ARHGEF38: variants seen among roughly 807,000 people sequenced by gnomAD.
The protein encoded by ARHGEF38 is Rho guanine nucleotide exchange factor 38, also known as Rho guanine nucleotide exchange factor (GEF) 38.
ARHGEF38 carries 79 observed loss-of-function variants against 79.9 expected under a neutral mutation model. That is an observed-to-expected ratio of 0.99 (90% CI 0.82 to 1.19). The LOEUF is 1.19. ARHGEF38 is among the 50% of genes most tolerant of loss of function. ARHGEF38 has a pLI of 0.00. For synonymous variants in ARHGEF38, 366 were observed against 328.3 expected (o/e 1.11, Z -1.24); for missense variants, 962 against 907.2 (o/e 1.06, Z -0.78).
chr4:105,648,725 T>A, intron 7 of ARHGEF38, 43 bp downstream of exon 7: 1 of 1,470,148 alleles, frequency 6.8e-7, no homozygotes, highest in Non-Finnish European at 8.9e-7. Flanking sequence ...CCAGGGAACA[T>A]GAATGCAGAT....
rs534856543 is a variant in ARHGEF38 at position 105,645,006 on chromosome 4, G to A, written c.675-182G>A. 2.6e-5 allele frequency among the ~76,000 whole-genome samples: 4 copies of A among 152,216 alleles called. No individual in the cohort carries two copies. In the South Asian group the frequency reaches 6.2e-4, roughly 24 times the overall value. ...GTTTCTTTTAGGTTTTTGTTTCATA[G>A]TAGGGTCTTTCAGATTTGCTTCTTT... On this transcript the variant is annotated intron_variant, in intron 5 of 13. Transcript: ENST00000420470.
chr4:105,614,246 G>T (rs892182030), intron 3 of ARHGEF38, among the ~76,000 whole-genome samples: 14 of 151,978 alleles, frequency 9.2e-5, no homozygotes, highest in African/African-American at 3.4e-4. Flanking sequence ...TAAAATTATC[G>T]TTTCTCTATT....
intron 8 of ARHGEF38, among the ~76,000 whole-genome samples, chr4:105,655,358 G>A (rs1234952782): frequency 1.3e-5 from 2 of 152,090 alleles, no homozygotes; most frequent in Non-Finnish European, 2.9e-5. Context: ...AATTTAAGAT[G>A]GACTGTTTAA....
chr4:105,596,073 T>A (rs1462212302), intron 2 of ARHGEF38, among the ~76,000 whole-genome samples: 3 of 152,188 alleles, frequency 2.0e-5, no homozygotes, highest in African/African-American at 7.2e-5. Flanking sequence ...TCTCTCTCAA[T>A]TCAGAGTCCT....
At chr4:105,659,573 A>G (rs774203642) in intron 10 of ARHGEF38, among the ~76,000 whole-genome samples, 2 of 152,216 alleles carry the variant, frequency 1.3e-5, no homozygotes, top group Non-Finnish European at 2.9e-5. Context: ...GTTCAGGTTT[A>G]CTGTGACTTA....
chr4:105,654,758 T>C (rs1267946291), intron 8 of ARHGEF38, among the ~76,000 whole-genome samples: 1 of 151,698 alleles, frequency 6.6e-6, no homozygotes, highest in Non-Finnish European at 1.5e-5. Context: ...CAGTCAGAGG[T>C]TTTTTCTAAT....
Position 105,678,153 on chromosome 4 carries a change from AT to A in ARHGEF38, c.*217del, listed in dbSNP as rs141315417. ...TGAAAGAAATACTAAGCCAACAGAA[AT>A]AGCAAAGCAAATGACCCAAGCTTCA... On this transcript the variant is annotated 3_prime_UTR_variant, in exon 14 of 14. Transcript: ENST00000420470. 598 of 384,020 alleles carry A rather than the reference AT, an allele frequency of 1.6e-3. 10 individuals carry two copies. The East Asian group carries it at 0.022, about 14-fold the overall frequency. 23.8% of individuals were successfully genotyped at this position (384,020 alleles called of 1,614,324 possible). A position where few individuals can be genotyped will look rare whatever the true frequency, so the allele number is the denominator to read the frequency against.
intron 5 of ARHGEF38, among the ~76,000 whole-genome samples, chr4:105,640,165 G>A (rs750522860): frequency 3.0e-4 from 45 of 151,678 alleles, no homozygotes; most frequent in Admixed American, 1.5e-3. Context: ...ACACACAAAC[G>A]CCTTTTCCAT....
intron 3 of ARHGEF38, among the ~76,000 whole-genome samples, chr4:105,623,696 A>G (rs543637121): frequency 6.6e-6 from 1 of 152,354 alleles, no homozygotes; most frequent in South Asian, 2.1e-4. Context: ...GAACTGGACT[A>G]ATATTTCAAG....
At chr4:105,671,361 C>A (rs1482065197) in intron 13 of ARHGEF38, among the ~76,000 whole-genome samples, 1 of 152,134 alleles carries the variant, frequency 6.6e-6, no homozygotes, top group African/African-American at 2.4e-5. Flanking sequence ...GAAGAGGATG[C>A]ACCTGTTGGA....
At chr4:105,663,956 G>C (rs1730655392) in intron 10 of ARHGEF38, among the ~76,000 whole-genome samples, 1 of 144,726 alleles carries the variant, frequency 6.9e-6, no homozygotes. Context: ...GGTAACAAGA[G>C]TGAAACTCCG....
At chr4:105,671,585 G>A (rs1730959959) in intron 13 of ARHGEF38, among the ~76,000 whole-genome samples, 1 of 152,108 alleles carries the variant, frequency 6.6e-6, no homozygotes, top group South Asian at 2.1e-4. Flanking sequence ...GAAATTGTGG[G>A]GAGAAGAAAG....
chr4:105,662,325 A>AT (rs1337410850), intron 10 of ARHGEF38, among the ~76,000 whole-genome samples: 4 of 152,138 alleles, frequency 2.6e-5, no homozygotes, highest in Admixed American at 1.3e-4. Flanking sequence ...TGAGATAAAA[A>AT]TTGAGACTAC....
intron 2 of ARHGEF38, among the ~76,000 whole-genome samples, chr4:105,593,019 A>G (rs1033678730): frequency 6.6e-6 from 1 of 152,184 alleles, no homozygotes. Context: ...AATCATTCAT[A>G]GCACTATTAT....
intron 1 of ARHGEF38, among the ~76,000 whole-genome samples, chr4:105,561,244 A>AAAACG (rs1725509078): frequency 6.6e-6 from 1 of 151,754 alleles, no homozygotes; most frequent in Admixed American, 6.6e-5. Context: ...AAAACAAAAC[A>AAAACG]AAACAAAAAA....
intron 1 of ARHGEF38, among the ~76,000 whole-genome samples, chr4:105,585,726 C>CTTTTTCTTTT (rs1727004067): frequency 1.4e-5 from 1 of 71,504 alleles, no homozygotes; most frequent in African/African-American, 5.7e-5. Flanking sequence ...CCCTCCGTTG[C>CTTTTTCTTTT]TTTTTTTTTT....
intron 9 of ARHGEF38, 89 bp from the exon 10 acceptor site, chr4:105,658,965 G>T (rs2110563230): frequency 2.6e-6 from 3 of 1,146,308 alleles, no homozygotes; most frequent in South Asian, 3.3e-5. Context: ...TGCTTCTCGT[G>T]GGGGAAAAGG....
chr4:105,569,031 T>C (rs1258134577), intron 1 of ARHGEF38, among the ~76,000 whole-genome samples: 1 of 152,184 alleles, frequency 6.6e-6, no homozygotes, highest in African/African-American at 2.4e-5. Flanking sequence ...GATTATTTAT[T>C]GGTAGCTATT....
intron 2 of ARHGEF38, among the ~76,000 whole-genome samples, chr4:105,601,039 G>T (rs1727798814): frequency 6.6e-6 from 1 of 152,052 alleles, no homozygotes; most frequent in African/African-American, 2.4e-5. Context: ...CAACCAAGCA[G>T]CCAGAGTGAT....
Sources: allele counts gnomAD v4.1 joint callset (sites outside exome capture counted in the v4.1 genomes callset), GRCh38; gene constraint gnomAD v4.1.1; transcripts MANE v1.5; gene names NCBI Gene and HGNC (gene_info 2026-07-23, HGNC 2026-07-21).